Variants in USP48 observed in about 807,000 individuals in gnomAD.
USP48 encodes ubiquitin specific peptidase 48.
In USP48, 43 loss-of-function variants were observed where a neutral mutation model predicts 150.7. The observed-to-expected ratio is 0.29, with a 90% CI of 0.22 to 0.37. USP48 has a LOEUF of 0.37. Ranked by LOEUF, USP48 falls within the 10% of genes least tolerant of loss-of-function variation. The pLI is 1.00. For synonymous variants in USP48, 396 were observed against 425.9 expected (o/e 0.93, Z 0.86); for missense variants, 813 against 1,249.6 (o/e 0.65, Z 5.27).
At chr1:21,730,608 C>T (rs1390691159) in intron 9 of USP48, among the ~76,000 whole-genome samples, 9 of 151,658 alleles carry the variant, frequency 5.9e-5, no homozygotes, top group Admixed American at 2.0e-4. Context: ...GCAGGAGAAT[C>T]GCTTGAACCC....
chr1:21,729,511 T>C (rs917681691), intron 10 of USP48, among the ~76,000 whole-genome samples, 193 bp downstream of exon 10: 1 of 152,230 alleles, frequency 6.6e-6, no homozygotes, highest in African/African-American at 2.4e-5. Context: ...TCTGATTTTT[T>C]AATAATTGCA....
At chr1:21,750,824 A>G (rs1233641260) in intron 6 of USP48, among the ~76,000 whole-genome samples, 1 of 151,882 alleles carries the variant, frequency 6.6e-6, no homozygotes, top group South Asian at 2.1e-4. Context: ...GGAGGTTGCA[A>G]TGAGCCAAGA....
chr1:21,728,840 C>T (rs1310555529), intron 10 of USP48, 121 bp from the exon 11 acceptor site: 1 of 1,219,532 alleles, frequency 8.2e-7, no homozygotes, highest in Non-Finnish European at 1.1e-6. Context: ...CAACTATGGT[C>T]TCCCTGTCTG....
chr1:21,688,746 G>A (rs1039146991), intron 24 of USP48, among the ~76,000 whole-genome samples: 7 of 150,802 alleles, frequency 4.6e-5, no homozygotes, highest in African/African-American at 4.9e-5. Flanking sequence ...GGGAGGCCGC[G>A]GCAGGAGAAC....
intron 5 of USP48, among the ~76,000 whole-genome samples, chr1:21,751,998 CAGAGCAAG>C (rs2097816237): frequency 8.4e-6 from 1 of 118,728 alleles, no homozygotes; most frequent in African/African-American, 3.3e-5. Context: ...TCCTGGGCAA[CAGAGCAAG>C]AGTCCATCTC....
chr1:21,760,506 G>A (rs2097847275), intron 1 of USP48, among the ~76,000 whole-genome samples: 1 of 151,836 alleles, frequency 6.6e-6, no homozygotes, highest in Admixed American at 6.6e-5. Flanking sequence ...ACAAAGTCAG[G>A]AGTTCGAGAC....
At chr1:21,715,359 A>G (rs761376804) in intron 15 of USP48, 30 bp downstream of exon 15, 145 of 1,541,706 alleles carry the variant, frequency 9.4e-5, no homozygotes, top group Non-Finnish European at 1.2e-4. Context: ...AAGGACAATA[A>G]AACAGAATTC....
intron 9 of USP48, 93 bp downstream of exon 9, chr1:21,736,353 C>T (rs2097768943): frequency 8.0e-7 from 1 of 1,252,086 alleles, no homozygotes; most frequent in Non-Finnish European, 1.1e-6. Context: ...TAGTCTGTAA[C>T]ATAACAATCT....
intron 11 of USP48, chr1:21,726,604 T>C (rs1220954399): frequency 1.3e-5 from 2 of 152,182 alleles, no homozygotes; most frequent in Non-Finnish European, 2.9e-5. Context: ...TCTATCATCA[T>C]AAAGAGTTGC....
intron 4 of USP48, 103 bp from the exon 5 acceptor site, chr1:21,752,754 C>T (rs2097819794): frequency 7.4e-7 from 1 of 1,352,946 alleles, no homozygotes; most frequent in Non-Finnish European, 9.8e-7. Flanking sequence ...ATACTTTCAA[C>T]TTAGCATTTT....
At chr1:21,749,191 T>C (rs143260589) in intron 6 of USP48, among the ~76,000 whole-genome samples, 33 of 152,182 alleles carry the variant, frequency 2.2e-4, no homozygotes, top group African/African-American at 6.7e-4. Flanking sequence ...CTTACCATAT[T>C]GTAAGTAATG....
In USP48 at chr1:21,695,663, C is replaced by T. The variant is rs868304938; in HGVS notation, c.2728-442G>A. On this transcript the variant is annotated intron_variant, in intron 22 of 26. Transcript: ENST00000308271. ...GTTCCAGGCTGCAGTGAGCTACAAT[C>T]GCACCACTGGACTCCAGTCTGCTGA... 3.9e-5 allele frequency among the ~76,000 whole-genome samples: 6 copies of T among 152,126 alleles called. No homozygotes were observed. In the East Asian group the frequency reaches 9.6e-4, roughly 24 times the overall value.
intron 1 of USP48, among the ~76,000 whole-genome samples, chr1:21,758,185 A>AACACACACACACACAC (rs149088635): frequency 9.9e-5 from 14 of 141,352 alleles, no homozygotes; most frequent in Admixed American, 2.9e-4. Context: ...GCAACTGTAA[A>AACACACACACACACAC]ACACACACAC....
intron 6 of USP48, among the ~76,000 whole-genome samples, chr1:21,748,738 C>T (rs1190127440): frequency 6.6e-6 from 1 of 152,166 alleles, no homozygotes; most frequent in Non-Finnish European, 1.5e-5. Context: ...AGGTGAAACC[C>T]CGTCTCTACT....
rs902215276 is a variant in USP48, at chr1:21,778,710, C to G, written c.134+4114G>C. ...GGAGGATCACTTGAAGCAAGGAGTT[C>G]AAGACCAGCTTGGGCACCAAAGTGG... On this transcript the variant is annotated intron_variant, in intron 1 of 26. Coordinates refer to ENST00000308271, the MANE Select transcript of USP48 (RefSeq NM_032236.8). 2.0e-5 allele frequency among the ~76,000 whole-genome samples: 3 copies of G among 149,984 alleles called. 1 individual carries two copies. The highest frequency in any genetic ancestry group is 7.3e-5 in the African/African-American group (3 of 40,822).
intron 9 of USP48, among the ~76,000 whole-genome samples, chr1:21,731,800 C>G (rs924392300): frequency 5.9e-5 from 9 of 151,960 alleles, no homozygotes; most frequent in Admixed American, 5.9e-4. Flanking sequence ...ACCCAGGAGG[C>G]AGAGGTTGCA....
chr1:21,698,236 T>C (rs2097643379), intron 22 of USP48, among the ~76,000 whole-genome samples: 1 of 152,200 alleles, frequency 6.6e-6, no homozygotes, highest in Admixed American at 6.5e-5. Context: ...TTGAGATTTT[T>C]TGTGAGCCAA....
intron 21 of USP48, 26 bp downstream of exon 21, chr1:21,703,486 G>T: frequency 1.3e-6 from 2 of 1,566,958 alleles, no homozygotes; most frequent in Non-Finnish European, 1.8e-6. Flanking sequence ...ATCATTACTA[G>T]TCATTGCCAC....
At chr1:21,746,930 G>T in intron 8 of USP48, 137 bp downstream of exon 8, 1 of 617,566 alleles carries the variant, frequency 1.6e-6, no homozygotes, top group Non-Finnish European at 2.7e-6. Flanking sequence ...AAAAGTCTTT[G>T]TTCCCAGACA....
Sources: allele counts gnomAD v4.1 joint callset (sites outside exome capture counted in the v4.1 genomes callset), GRCh38; gene constraint gnomAD v4.1.1; transcripts MANE v1.5; gene names NCBI Gene and HGNC (gene_info 2026-07-23, HGNC 2026-07-21).